NAV2: variants seen among roughly 807,000 people sequenced by gnomAD.
NAV2 encodes the protein helicase, APC down-regulated 1.
In NAV2, 54 loss-of-function variants were observed where a neutral mutation model predicts 223.2. The observed-to-expected ratio is 0.24, with a 90% CI of 0.19 to 0.30. NAV2 has a LOEUF of 0.30. Ranked by LOEUF, NAV2 falls within the 10% of genes least tolerant of loss-of-function variation. The pLI is 1.00. For synonymous variants in NAV2, 1,279 were observed against 1,239.3 expected, an observed-to-expected ratio of 1.03 and a Z score of -0.67; for missense variants, 2,806 against 3,147.5, an observed-to-expected ratio of 0.89 and a Z score of 2.60.
At chr11:19,819,605 T>C (rs1404838952) in intron 1 of NAV2, among the ~76,000 whole-genome samples, 1 of 151,994 alleles carries the variant, frequency 6.6e-6, no homozygotes, top group African/African-American at 2.4e-5. Flanking sequence ...AACTGTGGTG[T>C]GAGGGATGCC....
chr11:19,385,632 T>C (rs1849004755), intron 1 of NAV2, among the ~76,000 whole-genome samples: 1 of 152,212 alleles, frequency 6.6e-6, no homozygotes, highest in Non-Finnish European at 1.5e-5. Flanking sequence ...ATTTTTAACC[T>C]CTTGCCTTTG....
chr11:19,817,987 T>C (rs537602114), intron 1 of NAV2, among the ~76,000 whole-genome samples: 1 of 152,100 alleles, frequency 6.6e-6, no homozygotes, highest in Non-Finnish European at 1.5e-5. Context: ...CTCCAAGCCT[T>C]CTTGCCCACC....
chr11:20,103,527 G>A (rs2061794637), intron 33 of NAV2, 118 bp downstream of exon 33: 10 of 1,488,890 alleles, frequency 6.7e-6, no homozygotes, highest in Non-Finnish European at 9.3e-6. Flanking sequence ...ACACGCATAG[G>A]GTTGGGAGTG....
intron 22 of NAV2, among the ~76,000 whole-genome samples, chr11:20,068,739 G>A (rs1222059091): frequency 6.6e-6 from 1 of 152,086 alleles, no homozygotes; most frequent in Non-Finnish European, 1.5e-5. Context: ...TTAAGGGTGG[G>A]AAAAAGAAGC....
chr11:19,686,456 G>A (rs1403726428), intron 1 of NAV2, among the ~76,000 whole-genome samples: 1 of 152,188 alleles, frequency 6.6e-6, no homozygotes, highest in East Asian at 1.9e-4. Flanking sequence ...TGTGGTCTCA[G>A]GGTGGCTCAC....
At chr11:19,808,291 A>G (rs547803032) in intron 1 of NAV2, among the ~76,000 whole-genome samples, 1 of 152,314 alleles carries the variant, frequency 6.6e-6, no homozygotes, top group South Asian at 2.1e-4. Context: ...TCACCACTCC[A>G]TGGGGGAACA....
In NAV2 at chr11:20,120,056, T is replaced by C. The variant is rs760931413; in HGVS notation, c.*1798T>C. ...TTCTGTTTTGTAAAGAGAATCCTTA[T>C]TGGACACCAGTGAAGGTGTCTCTGT... On this transcript the variant is annotated 3_prime_UTR_variant, in exon 38 of 38. Transcript: ENST00000349880. 2.0e-5 allele frequency: 3 copies of C among 152,240 alleles called. No homozygotes were observed. Among genetic ancestry groups the C allele is most frequent in the Non-Finnish European group, 2.9e-5 (2 of 68,032 alleles). 9.4% of individuals were successfully genotyped at this position (152,240 alleles called of 1,614,324 possible).
chr11:19,538,858 T>G (rs550579069), intron 1 of NAV2, among the ~76,000 whole-genome samples: 2 of 151,798 alleles, frequency 1.3e-5, no homozygotes, highest in South Asian at 2.1e-4. Flanking sequence ...TTGCAAAACT[T>G]TAGTGCAATA....
intron 2 of NAV2, among the ~76,000 whole-genome samples, chr11:19,835,650 A>G (rs1004740536): frequency 1.3e-5 from 2 of 152,114 alleles, no homozygotes; most frequent in African/African-American, 4.8e-5. Context: ...GTAAAAATAT[A>G]TTTGTATGTG....
intron 1 of NAV2, among the ~76,000 whole-genome samples, chr11:19,418,576 T>G (rs937268672): frequency 6.6e-6 from 1 of 152,116 alleles, no homozygotes; most frequent in African/African-American, 2.4e-5. Context: ...CTTACCAGCA[T>G]ATGATGGTAG....
chr11:19,876,757 C>T (rs1268850538), intron 4 of NAV2, among the ~76,000 whole-genome samples: 1 of 151,806 alleles, frequency 6.6e-6, no homozygotes, highest in Non-Finnish European at 1.5e-5. Flanking sequence ...GACCCCTGAT[C>T]CTCCAGGTAT....
intron 5 of NAV2, among the ~76,000 whole-genome samples, chr11:19,891,213 T>C (rs1324206580): frequency 6.6e-6 from 1 of 152,238 alleles, no homozygotes; most frequent in Non-Finnish European, 1.5e-5. Context: ...CTGAAAGTTT[T>C]ATGACTTGAA....
chr11:19,926,641 G>GA (rs59491897), intron 6 of NAV2, among the ~76,000 whole-genome samples: 209 of 141,578 alleles, frequency 1.5e-3, no homozygotes, highest in South Asian at 5.3e-3. Flanking sequence ...TACACTTAAA[G>GA]AAAAAAAAAA....
intron 1 of NAV2, among the ~76,000 whole-genome samples, chr11:19,477,234 A>T (rs1391597092): frequency 1.3e-5 from 2 of 152,084 alleles, no homozygotes; most frequent in Non-Finnish European, 2.9e-5. Context: ...AACCCTATAA[A>T]ACCTGTCATA....
intron 1 of NAV2, among the ~76,000 whole-genome samples, chr11:19,489,776 T>C (rs758833588): frequency 1.1e-4 from 16 of 152,216 alleles, no homozygotes; most frequent in Non-Finnish European, 2.4e-4. Context: ...CAAAGATAGA[T>C]GCTTCTCCCC....
chr11:19,482,154 T>C (rs2632026), intron 1 of NAV2, among the ~76,000 whole-genome samples: 1,903 of 152,324 alleles, frequency 0.012, 38 homozygotes, highest in African/African-American at 0.044. Flanking sequence ...TAATATAATC[T>C]AACTAAATTA....
At chr11:19,486,091 C>G (rs2042436068) in intron 1 of NAV2, among the ~76,000 whole-genome samples, 1 of 152,138 alleles carries the variant, frequency 6.6e-6, no homozygotes, top group Non-Finnish European at 1.5e-5. Flanking sequence ...AAAAGCATCA[C>G]CCCACAGTAG....
Position 20,005,264 on chromosome 11 carries a change from T to A in NAV2, c.2768+21017T>A, listed in dbSNP as rs1172607557. Among the ~76,000 whole-genome samples, 1,033 of 149,410 alleles carry A rather than the reference T, an allele frequency of 6.9e-3. 5 individuals are homozygous for A. Among genetic ancestry groups the A allele is most frequent in the Non-Finnish European group, 0.011 (747 of 67,466 alleles). On this transcript the variant is annotated intron_variant, in intron 11 of 37. Coordinates refer to ENST00000349880, the MANE Select transcript of NAV2 (RefSeq NM_145117.5). ...ATATATATATATATATTTTTTTTTTTTTTTGAGATGGAGTCTTGCTCTGTT... is the reference window on the plus strand; with the variant it reads ...ATATATATATATATATTTTTTTTTTATTTTGAGATGGAGTCTTGCTCTGTT...
At chr11:19,358,528 C>T (rs901186409) in intron 1 of NAV2, among the ~76,000 whole-genome samples, 16 of 152,184 alleles carry the variant, frequency 1.1e-4, no homozygotes, top group Non-Finnish European at 1.5e-4. Context: ...GTATCCATTT[C>T]CAGCACCTAC....
Sources: gnomAD v4.1 joint callset for allele counts (sites outside exome capture counted in the v4.1 genomes callset) on GRCh38, gnomAD v4.1.1 for gene constraint, MANE v1.5 for transcripts, NCBI Gene and HGNC (gene_info 2026-07-23, HGNC 2026-07-21) for gene names.